Variants in CCSER1 observed in about 807,000 individuals in gnomAD.
CCSER1 encodes the protein serine-rich coiled-coil domain-containing protein 1.
In CCSER1, 41 loss-of-function variants were observed where a neutral mutation model predicts 82.0. The observed-to-expected ratio is 0.50, with a 90% CI of 0.39 to 0.65. CCSER1 has a LOEUF of 0.65. Among genes scored for constraint, CCSER1 ranks in the 30% least tolerant of loss-of-function variants. The probability of loss-of-function intolerance (pLI) is 0.00; values close to 1 mark genes in which losing one functional copy is unlikely to be tolerated. For missense variants in CCSER1, 1,119 were observed against 1,064.2 expected (o/e 1.05, Z -0.72); for synonymous variants, 414 against 383.9 (o/e 1.08, Z -0.92).
intron 9 of CCSER1, among the ~76,000 whole-genome samples, chr4:90,966,774 T>C (rs1476613168): frequency 6.6e-6 from 1 of 152,168 alleles, no homozygotes; most frequent in Non-Finnish European, 1.5e-5. Flanking sequence ...ACTATATTGA[T>C]GTATGTTCAT....
intron 6 of CCSER1, among the ~76,000 whole-genome samples, chr4:90,632,503 T>C (rs770584992): frequency 2.0e-5 from 3 of 152,038 alleles, no homozygotes; most frequent in Non-Finnish European, 2.9e-5. Context: ...TAAAATATAA[T>C]TTTGAAAGTG....
chr4:91,598,965 A>G lies in CCSER1; in HGVS notation c.2611A>G (p.Ile871Val). ...GRFGQPPRGP[I>V]SLHMYSRKNV... is the part of the protein sequence containing the mutation. Reference sequence around the variant, plus strand: ...GTTTGGACAGCCACCCAGAGGGCCAATCTCTTTACACATGTACAGCAGGAA... The same window carrying G: ...GTTTGGACAGCCACCCAGAGGGCCAGTCTCTTTACACATGTACAGCAGGAA... The change falls in exon 11 of 11, where the codon ATC becomes GTC. Residue 871 changes from isoleucine to valine, a missense_variant. By Grantham distance (29) the Ile-to-Val change is conservative. Transcript: ENST00000509176. 9.0e-6 allele frequency: 14 copies of G among 1,551,534 alleles called. No homozygotes were observed. Among genetic ancestry groups the G allele is most frequent in the South Asian group, 1.2e-5 (1 of 84,058 alleles).
At chr4:90,977,891 T>G (rs1025136530) in intron 9 of CCSER1, among the ~76,000 whole-genome samples, 1 of 151,650 alleles carries the variant, frequency 6.6e-6, no homozygotes, top group African/African-American at 2.4e-5. Flanking sequence ...TGGTATCTGT[T>G]TAATTCTATA....
chr4:90,723,962 C>A lies in CCSER1; in HGVS notation c.1981C>A (p.Pro661Thr). 7.6e-6 allele frequency: 12 copies of A among 1,581,526 alleles called. No homozygotes were observed. The highest frequency in any genetic ancestry group is 9.5e-6 in the Non-Finnish European group (11 of 1,161,960). Residue 661 changes from proline (P) to threonine (T), a missense_variant, in exon 7 of 11, where the codon CCT (proline) becomes ACT (threonine). Transcript: ENST00000509176. ...ASSTTSLPVS[P>T]LTEEPVPFKD... ...CAGTACCACGTCACTTCCTGTTAGT[C>A]CTCTTACTGAAGAGCCAGTGCCTTT...
chr4:90,257,875 G>A (rs1195464561), intron 1 of CCSER1, among the ~76,000 whole-genome samples: 2 of 152,124 alleles, frequency 1.3e-5, no homozygotes, highest in African/African-American at 4.8e-5. Flanking sequence ...GATTGGATAA[G>A]CCCCACTCAT....
At chr4:90,270,468 A>T (rs1726060915) in intron 1 of CCSER1, among the ~76,000 whole-genome samples, 1 of 151,564 alleles carries the variant, frequency 6.6e-6, no homozygotes. Context: ...AACTGTAAAA[A>T]ATACTGGATA....
intron 9 of CCSER1, among the ~76,000 whole-genome samples, chr4:91,038,860 G>C (rs935740215): frequency 3.0e-4 from 46 of 152,186 alleles, no homozygotes; most frequent in Middle Eastern, 3.4e-3. Flanking sequence ...ATATCTTGCA[G>C]TGGCCAGAAA....
chr4:91,105,336 C>T (rs896211773), intron 10 of CCSER1, among the ~76,000 whole-genome samples: 1 of 151,986 alleles, frequency 6.6e-6, no homozygotes. Context: ...GCTATTTACC[C>T]AAGAGCTTCT....
chr4:91,061,079 C>G (rs1743909147), intron 9 of CCSER1, among the ~76,000 whole-genome samples: 1 of 151,914 alleles, frequency 6.6e-6, no homozygotes, highest in Non-Finnish European at 1.5e-5. Flanking sequence ...AATCTTAATA[C>G]TATTTTTATG....
At chr4:91,549,176 G>A (rs1762040162) in intron 10 of CCSER1, among the ~76,000 whole-genome samples, 1 of 151,824 alleles carries the variant, frequency 6.6e-6, no homozygotes, top group Non-Finnish European at 1.5e-5. Context: ...CATTCTTTAT[G>A]TTATACTGTT....
chr4:90,915,047 C>A (rs1179473044), intron 8 of CCSER1, among the ~76,000 whole-genome samples: 1 of 152,106 alleles, frequency 6.6e-6, no homozygotes, highest in Non-Finnish European at 1.5e-5. Flanking sequence ...AAAAAAAGTC[C>A]TGGACCAGAC....
At chr4:90,465,320 CTTTTTTTTT>C (rs1157811263) in intron 4 of CCSER1, among the ~76,000 whole-genome samples, 1 of 131,940 alleles carries the variant, frequency 7.6e-6, no homozygotes, top group African/African-American at 2.8e-5. Context: ...TTTCCGTGTT[CTTTTTTTTT>C]TTTTTTTTTG....
At chr4:90,658,567 A>G (rs182573350) in intron 6 of CCSER1, among the ~76,000 whole-genome samples, 22 of 152,316 alleles carry the variant, frequency 1.4e-4, no homozygotes, top group Admixed American at 4.6e-4. Flanking sequence ...AATTTGACAA[A>G]TGACCCCAAG....
intron 10 of CCSER1, among the ~76,000 whole-genome samples, chr4:91,464,694 G>T (rs573891491): frequency 1.3e-5 from 2 of 152,254 alleles, no homozygotes; most frequent in South Asian, 4.1e-4. Context: ...AAAATGGCAG[G>T]ACTTGCAATC....
chr4:90,200,015 C>A (rs1737358382), intron 1 of CCSER1, among the ~76,000 whole-genome samples: 1 of 151,674 alleles, frequency 6.6e-6, no homozygotes, highest in African/African-American at 2.4e-5. Flanking sequence ...TTTCCTCGAT[C>A]CCCTACCCTG....
At chr4:91,085,744 A>G (rs1041891844) in intron 9 of CCSER1, among the ~76,000 whole-genome samples, 2 of 151,768 alleles carry the variant, frequency 1.3e-5, no homozygotes, top group Non-Finnish European at 2.9e-5. Context: ...AGGGGTCGGC[A>G]GGAAATGCAT....
Position 91,298,072 on chromosome 4 carries a change from G to T in CCSER1, c.2217+212078G>T, listed in dbSNP as rs141540708. ...TAAGTAGGGAACTGATGAATTTGAT[G>T]TTGAATGAAAATGGCTGGGATGACA... On this transcript the variant is annotated intron_variant, in intron 10 of 10. Transcript: ENST00000509176. Among the ~76,000 whole-genome samples the T allele has an allele frequency of 3.1e-3, 465 of 152,124 alleles. 3 individuals are homozygous for T. The highest frequency in any genetic ancestry group is 8.4e-3 in the African/African-American group (348 of 41,548).
chr4:90,771,565 T>TAAA (rs34848155), intron 7 of CCSER1, among the ~76,000 whole-genome samples: 40 of 98,336 alleles, frequency 4.1e-4, no homozygotes, highest in African/African-American at 1.1e-3. Flanking sequence ...TGCCGGGCAC[T>TAAA]AAAAAAAAAA....
At chr4:90,561,130 T>C (rs1167933946) in intron 5 of CCSER1, among the ~76,000 whole-genome samples, 1 of 152,216 alleles carries the variant, frequency 6.6e-6, no homozygotes, top group Non-Finnish European at 1.5e-5. Flanking sequence ...AATACACAGT[T>C]AATCTGTTAT....
Sources: allele counts gnomAD v4.1 joint callset (sites outside exome capture counted in the v4.1 genomes callset), GRCh38; gene constraint gnomAD v4.1.1; transcripts MANE v1.5; gene names NCBI Gene and HGNC (gene_info 2026-07-23, HGNC 2026-07-21).